ZNF560: variants seen among roughly 807,000 people sequenced by gnomAD.
ZNF560 encodes the protein zinc finger protein 560.
In ZNF560, 54 loss-of-function variants were observed where a neutral mutation model predicts 81.8. The observed-to-expected ratio is 0.66, with a 90% CI of 0.53 to 0.83. The LOEUF is 0.83. Ranked by LOEUF, ZNF560 falls within the 40% of genes least tolerant of loss-of-function variation. ZNF560 has a pLI of 0.00. For synonymous variants in ZNF560, 321 were observed against 317.9 expected (o/e 1.01, Z -0.10); for missense variants, 940 against 932.4 (o/e 1.01, Z -0.11).
chr19:9,483,843 G>C (rs796273258), intron 2 of ZNF560, among the ~76,000 whole-genome samples: 1 of 131,008 alleles, frequency 7.6e-6, no homozygotes, highest in Admixed American at 7.6e-5. Context: ...CGGTTTTGTC[G>C]AATAGAAAAG....
At chr19:9,470,258 A>AT (rs2073100066) in intron 7 of ZNF560, 134 bp downstream of exon 7, 1 of 1,110,374 alleles carries the variant, frequency 9.0e-7, no homozygotes, top group Non-Finnish European at 1.3e-6. Context: ...TATTTTACTC[A>AT]TTAAAAAAAA....
chr19:9,491,250 C>T lies in ZNF560; in HGVS notation c.-57+6878G>A, dbSNP rs527535660. Reference sequence around the variant, plus strand: ...ACCTCAGCCTCCCAAGCATCTGGGACGACAGGTGCACATTACTACACCAGG... The same window carrying T: ...ACCTCAGCCTCCCAAGCATCTGGGATGACAGGTGCACATTACTACACCAGG... On this transcript the variant is annotated intron_variant, in intron 2 of 9. Transcript: ENST00000301480. Among the ~76,000 whole-genome samples the T allele has an allele frequency of 5.3e-4, 80 of 152,170 alleles. 1 individual carries two copies. The highest frequency in any genetic ancestry group is 1.4e-3 in the African/African-American group (57 of 41,536).
At chr19:9,475,017 C>T (rs896812085) in intron 3 of ZNF560, among the ~76,000 whole-genome samples, 1 of 151,994 alleles carries the variant, frequency 6.6e-6, no homozygotes, top group Non-Finnish European at 1.5e-5. Flanking sequence ...TCCTTTCCAT[C>T]TGCCAGACCA....
At chr19:9,449,001 C>T in the ZNF560 span, among the ~76,000 whole-genome samples, 137 of 152,276 alleles carry the variant, frequency 9.0e-4, no homozygotes, top group African/African-American at 2.3e-3. Flanking sequence ...TTGGAGCATT[C>T]GCATTCATAA....
the ZNF560 span, among the ~76,000 whole-genome samples, chr19:9,454,022 T>C: frequency 3.0e-4 from 45 of 152,252 alleles, no homozygotes; most frequent in African/African-American, 1.1e-3. Context: ...TGGAGGTTGC[T>C]GGTTCACCAG....
rs749730294 is a variant in ZNF560 at position 9,474,201 on chromosome 19, A to G, written c.155T>C (p.Val52Ala). 6.2e-7 allele frequency: 1 copy of G among 1,614,130 alleles called. No individual in the cohort carries two copies. Among genetic ancestry groups the G allele is most frequent in the Non-Finnish European group, 8.5e-7 (1 of 1,180,014 alleles). The change falls in exon 4 of 10, where the codon GTA (valine) becomes GCA (alanine). Residue 52 changes from valine (V) to alanine (A), a missense_variant and splice_region_variant. Physicochemically the swap from Val to Ala is moderately conservative, Grantham distance 64. Coordinates refer to ENST00000301480, the MANE Select transcript of ZNF560 (RefSeq NM_152476.3). Reference sequence around the variant, plus strand: ...GCATAAAATGATGGCAGTCTTACCTACTTTGGCCACGTTCTCATAATTCTC... The same window carrying G: ...GCATAAAATGATGGCAGTCTTACCTGCTTTGGCCACGTTCTCATAATTCTC... ...MLENYENVAK[V>A]GFQLFKPSVI...
At chr19:9,483,635 C>A in intron 2 of ZNF560, among the ~76,000 whole-genome samples, 1 of 144,592 alleles carries the variant, frequency 6.9e-6, no homozygotes, top group East Asian at 2.2e-4. Flanking sequence ...AGGTGGGGGC[C>A]AGCCCCCCGC....
chr19:9,486,779 G>A (rs1329840030), intron 2 of ZNF560, among the ~76,000 whole-genome samples: 6 of 151,900 alleles, frequency 3.9e-5, no homozygotes, highest in Admixed American at 3.3e-4. Flanking sequence ...AGAAATAATA[G>A]TTTCTTTTAA....
At chr19:9,480,911 C>T (rs1340120034) in intron 2 of ZNF560, among the ~76,000 whole-genome samples, 1 of 151,918 alleles carries the variant, frequency 6.6e-6, no homozygotes, top group Non-Finnish European at 1.5e-5. Context: ...CACAGTAAAA[C>T]CCTCTCTACA....
intron 2 of ZNF560, among the ~76,000 whole-genome samples, chr19:9,476,579 C>T (rs1351916794): frequency 3.3e-5 from 5 of 152,092 alleles, no homozygotes; most frequent in East Asian, 1.9e-4. Context: ...TGTGAGCCAC[C>T]GCGCCCGGCC....
chr19:9,471,402 G>GTTT, intron 5 of ZNF560, 24 bp from the exon 6 acceptor site: 45 of 1,190,238 alleles, frequency 3.8e-5, no homozygotes, highest in South Asian at 6.9e-5. Context: ...ATAAACTGAG[G>GTTT]TTTTTTTTTT....
At chr19:9,479,926 C>T (rs1008160298) in intron 2 of ZNF560, among the ~76,000 whole-genome samples, 3 of 152,040 alleles carry the variant, frequency 2.0e-5, no homozygotes, top group Admixed American at 6.6e-5. Context: ...CCACAGATTC[C>T]AAAGGATGAC....
upstream of ZNF560, among the ~76,000 whole-genome samples, chr19:9,502,079 G>A (rs1351103042): frequency 5.9e-5 from 9 of 151,872 alleles, no homozygotes; most frequent in Middle Eastern, 3.4e-3. Flanking sequence ...GCTTGAACTC[G>A]GGAGGCGCAG....
rs746283333 is a variant in ZNF560, at chr19:9,469,094, G to C, written c.612+11C>G. ...ATGTGAAAAATAAGAAAGTTCTTTTGTTAATCTTACCAACTGTATCCCATT... is the reference window on the plus strand; with the variant it reads ...ATGTGAAAAATAAGAAAGTTCTTTTCTTAATCTTACCAACTGTATCCCATT... On this transcript the variant is annotated intron_variant, in intron 9 of 9. Coordinates refer to ENST00000301480, the MANE Select transcript of ZNF560 (RefSeq NM_152476.3). 1 of 1,565,240 alleles carries C rather than the reference G, an allele frequency of 6.4e-7. No homozygotes were observed. The highest frequency in any genetic ancestry group is 2.3e-5 in the East Asian group (1 of 43,888).
At position 9,489,258 on chromosome 19, in the gene ZNF560, G is replaced by A. The variant is rs1034361715; in HGVS notation, c.-57+8870C>T. On this transcript the variant is annotated intron_variant, in intron 2 of 9. Transcript: ENST00000301480. ...TCCCAGACAGTGGGGCGGCCAGGCA[G>A]AGGCGCTCCTCGCTTCCCAGACAGT... Among the ~76,000 whole-genome samples, 10 of 152,062 alleles carry A rather than the reference G, an allele frequency of 6.6e-5. No individual in the cohort carries two copies. The East Asian group carries it at 9.7e-4, about 15-fold the overall frequency.
chr19:9,448,395 C>CTTTTTTT, the ZNF560 span, among the ~76,000 whole-genome samples: 9 of 89,790 alleles, frequency 1.0e-4, no homozygotes, highest in Admixed American at 2.7e-4. Context: ...CCATGCCTGG[C>CTTTTTTT]TTTTTTTTTT....
rs1352777787 is a variant in ZNF560 at position 9,467,614 on chromosome 19, G to T, written c.1333C>A (p.Pro445Thr). 4 of 1,613,422 alleles carry T rather than the reference G, an allele frequency of 2.5e-6. No homozygotes were observed. The African/African-American group carries it at 5.4e-5, about 22-fold the overall frequency. ...ACTCTCAAATGTCCAAAAAGAGATG[G>T]GTAAGAAATAAAGGCTTTCCCACAG... Reference protein sequence around the residue: ...DHCGKAFISYPSLFGHLRVHN... With the variant: ...DHCGKAFISYTSLFGHLRVHN... The change falls in exon 10 of 10, where the codon CCA becomes ACA. Residue 445 changes from proline to threonine, a missense_variant. By Grantham distance (38) the Pro-to-Thr change is conservative. Transcript: ENST00000301480.
the ZNF560 span, among the ~76,000 whole-genome samples, chr19:9,506,243 T>G: frequency 1.3e-5 from 2 of 152,204 alleles, no homozygotes; most frequent in Non-Finnish European, 2.9e-5. Flanking sequence ...TCTGCCTGCC[T>G]CAGCCTCCCA....
chr19:9,487,428 G>A (rs1190789691), intron 2 of ZNF560, among the ~76,000 whole-genome samples: 3 of 152,190 alleles, frequency 2.0e-5, no homozygotes, highest in Non-Finnish European at 4.4e-5. Context: ...TGTTGTAAAT[G>A]GGGCACTAAG....
Sources: allele counts gnomAD v4.1 joint callset (sites outside exome capture counted in the v4.1 genomes callset), GRCh38; gene constraint gnomAD v4.1.1; transcripts MANE v1.5; gene names NCBI Gene and HGNC (gene_info 2026-07-23, HGNC 2026-07-21).